Variants in GAB2 observed in about 807,000 individuals in gnomAD.
The protein encoded by GAB2 is GRB2-associated-binding protein 2.
Under a neutral mutation model 65.5 loss-of-function variants are expected in GAB2, and 26 were observed. The ratio of observed to expected loss-of-function variants is 0.40; its 90% CI spans 0.29 to 0.55. The LOEUF is 0.55. Among genes scored for constraint, GAB2 ranks in the 20% least tolerant of loss-of-function variants. GAB2 has a pLI of 0.53. For synonymous variants in GAB2, 321 were observed against 329.6 expected (o/e 0.97, Z 0.28); for missense variants, 884 against 875.8 (o/e 1.01, Z -0.12).
At position 78,233,040 on chromosome 11, in the gene GAB2, G is replaced by GTTT. The variant is rs372693456; in HGVS notation, c.621-5992_621-5990dup. Among the ~76,000 whole-genome samples the GTTT allele has an allele frequency of 1.9e-4, 25 of 132,000 alleles. 1 individual carries two copies. Among genetic ancestry groups the GTTT allele is most frequent in the African/African-American group, 6.0e-4 (20 of 33,240 alleles). 86.6% of individuals were successfully genotyped at this position (132,000 alleles called of 152,430 possible). ...ACTTACCAATACCTGGCACTGTTAA[G>GTTT]TTTTTTTTTTTTTTTTGGTGACAAG... On this transcript the variant is annotated intron_variant, in intron 3 of 9. Transcript: ENST00000361507.
chr11:78,285,141 C>A (rs1445591551), intron 1 of GAB2, among the ~76,000 whole-genome samples: 1 of 152,184 alleles, frequency 6.6e-6, no homozygotes, highest in African/African-American at 2.4e-5. Context: ...TGTGTGGGCA[C>A]CAAGGTGCAT....
intron 1 of GAB2, among the ~76,000 whole-genome samples, chr11:78,318,375 A>AAAAAAAAAAAAAAAAAAAAAAG: frequency 6.8e-6 from 1 of 146,268 alleles, no homozygotes; most frequent in Non-Finnish European, 1.5e-5. Flanking sequence ...ATGCCAAAAA[A>AAAAAAAAAAAAAAAAAAAAAAG]AAAAAAAAAA....
chr11:78,313,582 C>T (rs771355085), intron 1 of GAB2, among the ~76,000 whole-genome samples: 8 of 152,164 alleles, frequency 5.3e-5, no homozygotes, highest in African/African-American at 9.7e-5. Flanking sequence ...TCCACCCCTC[C>T]AATAGGCTGA....
At chr11:78,409,056 G>T (rs892699470) in intron 1 of GAB2, among the ~76,000 whole-genome samples, 1 of 152,190 alleles carries the variant, frequency 6.6e-6, no homozygotes, top group Non-Finnish European at 1.5e-5. Context: ...TGGGTAGGTT[G>T]AAAGTAAATT....
At chr11:78,257,107 A>G (rs756604246) in intron 2 of GAB2, among the ~76,000 whole-genome samples, 24 of 151,926 alleles carry the variant, frequency 1.6e-4, no homozygotes, top group Non-Finnish European at 3.1e-4. Flanking sequence ...CAGCATACAA[A>G]CACTCCTCCC....
At chr11:78,227,198 T>C in intron 3 of GAB2, 147 bp from the exon 4 acceptor site, 2 of 631,972 alleles carry the variant, frequency 3.2e-6, no homozygotes, top group Non-Finnish European at 5.6e-6. Context: ...GTTCAGACTC[T>C]AGTATATGAA....
rs751533828 is a variant in GAB2 at position 78,267,857 on chromosome 11, C to CAAAAAAAAAAAAAAAAAAAAAAAA, written c.376+12720_376+12743dup. Among the ~76,000 whole-genome samples, 41 of 32,784 alleles carry CAAAAAAAAAAAAAAAAAAAAAAAA rather than the reference C, an allele frequency of 1.3e-3. 3 individuals are homozygous for CAAAAAAAAAAAAAAAAAAAAAAAA. The highest frequency in any genetic ancestry group is 3.3e-3 in the East Asian group (2 of 610). 21.5% of individuals were successfully genotyped at this position (32,784 alleles called of 152,430 possible). ...TGGGTGATAGAGCGAGACTCCGTCT[C>CAAAAAAAAAAAAAAAAAAAAAAAA]AAAAAAAAAAAAAAAAAAAAAAAAG... On this transcript the variant is annotated intron_variant, in intron 2 of 9. Transcript: ENST00000361507.
intron 1 of GAB2, among the ~76,000 whole-genome samples, chr11:78,413,976 T>A (rs1214199321): frequency 2.0e-5 from 3 of 150,900 alleles, no homozygotes; most frequent in Non-Finnish European, 2.9e-5. Context: ...TAATCCCAGC[T>A]ACTTGGGAGG....
intron 1 of GAB2, among the ~76,000 whole-genome samples, chr11:78,295,231 T>G (rs562867881): frequency 6.6e-6 from 1 of 152,152 alleles, no homozygotes; most frequent in Non-Finnish European, 1.5e-5. Context: ...AGTCTTAACC[T>G]GAGGCTGAGG....
At chr11:78,249,821 A>G (rs1405836565) in intron 3 of GAB2, among the ~76,000 whole-genome samples, 4 of 151,250 alleles carry the variant, frequency 2.6e-5, no homozygotes, top group Admixed American at 2.6e-4. Flanking sequence ...TTTTATAGCT[A>G]TACTTTTAAG....
At chr11:78,219,910 A>C (rs1864335412) in intron 9 of GAB2, among the ~76,000 whole-genome samples, 1 of 152,164 alleles carries the variant, frequency 6.6e-6, no homozygotes, top group Non-Finnish European at 1.5e-5. Flanking sequence ...AGGCTTTCCC[A>C]GGCCTGGAAG....
intron 1 of GAB2, among the ~76,000 whole-genome samples, chr11:78,370,725 A>ATGTGTGTGTGTGTG (rs113823389): frequency 0.022 from 3,207 of 148,862 alleles, 49 homozygotes; most frequent in Middle Eastern, 0.048. Context: ...GTGTGTGTGT[A>ATGTGTGTGTGTGTG]TGTGTGTGTG....
chr11:78,402,487 T>C (rs1037237705), intron 1 of GAB2, among the ~76,000 whole-genome samples: 1 of 151,310 alleles, frequency 6.6e-6, no homozygotes, highest in African/African-American at 2.5e-5. Context: ...TGGAGTACAG[T>C]GGCACAATCT....
Position 78,250,146 on chromosome 11 carries a change from C to T in GAB2, c.620+11G>A. The T allele has an allele frequency of 6.2e-7, 1 of 1,611,780 alleles. No individual in the cohort carries two copies. The highest frequency in any genetic ancestry group is 2.2e-5 in the East Asian group (1 of 44,832). ...TCACTAACCCACCTAATGGCTGTGG[C>T]AGCCTCCTACCTTGCATTTTCTGCT... On this transcript the variant is annotated intron_variant, in intron 3 of 9. Coordinates refer to ENST00000361507, the MANE Select transcript of GAB2 (RefSeq NM_080491.3).
At chr11:78,319,864 A>G (rs1314936833) in intron 1 of GAB2, among the ~76,000 whole-genome samples, 1 of 146,786 alleles carries the variant, frequency 6.8e-6, no homozygotes, top group African/African-American at 2.7e-5. Context: ...AGATATAAAG[A>G]AACAGACTTT....
chr11:78,391,398 G>A (rs1017062218), intron 1 of GAB2, among the ~76,000 whole-genome samples: 6 of 152,170 alleles, frequency 3.9e-5, no homozygotes, highest in Non-Finnish European at 1.5e-5. Context: ...ATGAATCTGA[G>A]TGGACTTGTG....
At chr11:78,394,137 A>G (rs1355926237) in intron 1 of GAB2, among the ~76,000 whole-genome samples, 1 of 152,082 alleles carries the variant, frequency 6.6e-6, no homozygotes, top group Non-Finnish European at 1.5e-5. Context: ...AAATATAAAA[A>G]ATTTGCTGGG....
At chr11:78,245,238 CAA>C (rs1473122915) in intron 3 of GAB2, among the ~76,000 whole-genome samples, 1 of 151,942 alleles carries the variant, frequency 6.6e-6, no homozygotes, top group Non-Finnish European at 1.5e-5. Context: ...GATTATATAA[CAA>C]TATGAATGTA....
At chr11:78,264,215 G>A (rs781674680) in intron 2 of GAB2, among the ~76,000 whole-genome samples, 30 of 151,936 alleles carry the variant, frequency 2.0e-4, no homozygotes, top group Non-Finnish European at 3.7e-4. Context: ...GGGGAGAACT[G>A]ACATATTAAC....
Sources: gnomAD v4.1 joint callset for allele counts (sites outside exome capture counted in the v4.1 genomes callset) on GRCh38, gnomAD v4.1.1 for gene constraint, MANE v1.5 for transcripts, NCBI Gene and HGNC (gene_info 2026-07-23, HGNC 2026-07-21) for gene names.